ARB2A: variants seen among roughly 807,000 people sequenced by gnomAD.
The protein encoded by ARB2A is ARB2 cotranscriptional regulator A, also known as cotranscriptional regulator ARB2A.
At chr5:93,871,044 A>G in the ARB2A span, among the ~76,000 whole-genome samples, 3 of 152,234 alleles carry the variant, frequency 2.0e-5, no homozygotes, top group East Asian at 5.8e-4. Context: ...ATTTTCTTGT[A>G]AATGAACAAA....
the ARB2A span, among the ~76,000 whole-genome samples, chr5:93,826,039 T>C: frequency 6.6e-6 from 1 of 152,250 alleles, no homozygotes; most frequent in East Asian, 1.9e-4. Flanking sequence ...CCTAACTTGC[T>C]AAACCCAAAT....
At chr5:93,811,444 A>C in the ARB2A span, among the ~76,000 whole-genome samples, 2 of 152,294 alleles carry the variant, frequency 1.3e-5, no homozygotes, top group East Asian at 3.9e-4. Context: ...CACAAAAAGA[A>C]TAAGCAATAA....
the ARB2A span, chr5:93,964,531 G>A: frequency 3.9e-6 from 6 of 1,554,294 alleles, no homozygotes; most frequent in South Asian, 2.4e-5. Flanking sequence ...GATCTAAGTA[G>A]GAAAGAAATA....
the ARB2A span, among the ~76,000 whole-genome samples, chr5:94,018,158 A>C: frequency 6.6e-6 from 1 of 152,190 alleles, no homozygotes; most frequent in African/African-American, 2.4e-5. Flanking sequence ...ATGAACCAAT[A>C]TAGATGGAAA....
At chr5:93,715,643 C>CT in the ARB2A span, among the ~76,000 whole-genome samples, 782 of 141,670 alleles carry the variant, frequency 5.5e-3, 3 homozygotes, top group African/African-American at 6.1e-3. Flanking sequence ...TTTCCCCCGC[C>CT]TTTTTTTTTT....
the ARB2A span, among the ~76,000 whole-genome samples, chr5:94,102,096 C>A: frequency 2.8e-5 from 4 of 145,220 alleles, no homozygotes; most frequent in Admixed American, 6.8e-5. Context: ...TTAATAATTC[C>A]AAAGTAAAAA....
the ARB2A span, chr5:94,055,634 T>C: frequency 2.0e-6 from 2 of 985,176 alleles, no homozygotes; most frequent in Non-Finnish European, 2.4e-6. Flanking sequence ...TGTTGACAAT[T>C]CTTCATTCAT....
At chr5:93,747,917 A>G in the ARB2A span, among the ~76,000 whole-genome samples, 2 of 152,178 alleles carry the variant, frequency 1.3e-5, no homozygotes, top group Non-Finnish European at 2.9e-5. Context: ...ATACAATCAC[A>G]TGGCTCAAGA....
chr5:93,881,628 T>TC, the ARB2A span: 4 of 1,604,762 alleles, frequency 2.5e-6, no homozygotes, highest in Non-Finnish European at 3.4e-6. Context: ...ACGTGTATCT[T>TC]CGGCTTTTCT....
chr5:93,662,591 T>G, the ARB2A span, among the ~76,000 whole-genome samples: 69 of 152,328 alleles, frequency 4.5e-4, no homozygotes, highest in Non-Finnish European at 7.8e-4. Context: ...CACCTGTCTT[T>G]AGTAAGACAT....
At chr5:93,818,350 A>G in the ARB2A span, among the ~76,000 whole-genome samples, 1 of 152,184 alleles carries the variant, frequency 6.6e-6, no homozygotes, top group Non-Finnish European at 1.5e-5. Flanking sequence ...GTCTGCAAAT[A>G]TGCAAAAAGA....
At chr5:94,067,488 G>T in the ARB2A span, among the ~76,000 whole-genome samples, 1 of 152,198 alleles carries the variant, frequency 6.6e-6, no homozygotes, top group South Asian at 2.1e-4. Context: ...ATAAATAACA[G>T]TATATAGAAT....
the ARB2A span, among the ~76,000 whole-genome samples, chr5:93,915,280 C>G: frequency 6.6e-6 from 1 of 151,716 alleles, no homozygotes; most frequent in Admixed American, 6.6e-5. Context: ...GGTAATACTG[C>G]CATCTTGTGG....
chr5:93,784,034 C>G, the ARB2A span, among the ~76,000 whole-genome samples: 1 of 152,082 alleles, frequency 6.6e-6, no homozygotes, highest in African/African-American at 2.4e-5. Flanking sequence ...TTTCTTGTAA[C>G]TAAATAGCAC....
chr5:94,106,935 A>C, the ARB2A span, among the ~76,000 whole-genome samples: 3 of 151,598 alleles, frequency 2.0e-5, no homozygotes, highest in Admixed American at 2.0e-4. Context: ...GCTAAACATT[A>C]AGTATACATG....
chr5:93,985,450 C>T, the ARB2A span, among the ~76,000 whole-genome samples: 39 of 151,964 alleles, frequency 2.6e-4, no homozygotes, highest in African/African-American at 9.2e-4. Context: ...CTCCATCTCC[C>T]GCTTTCCACG....
At chr5:93,708,972 C>T in the ARB2A span, among the ~76,000 whole-genome samples, 1 of 152,040 alleles carries the variant, frequency 6.6e-6, no homozygotes, top group East Asian at 1.9e-4. Flanking sequence ...TAGTAAACTA[C>T]TGTATTATAT....
At chr5:93,807,919 T>C in the ARB2A span, among the ~76,000 whole-genome samples, 3 of 152,004 alleles carry the variant, frequency 2.0e-5, no homozygotes, top group Non-Finnish European at 4.4e-5. Flanking sequence ...ACCTTCTCCC[T>C]AGAATGTTTG....
At chr5:93,776,055 A>G in the ARB2A span, 4 of 923,054 alleles carry the variant, frequency 4.3e-6, no homozygotes, top group Non-Finnish European at 6.6e-6. Flanking sequence ...TAACAACTCA[A>G]AGATAAAAAC....
Sources: allele counts gnomAD v4.1 joint callset (sites outside exome capture counted in the v4.1 genomes callset), GRCh38; gene constraint gnomAD v4.1.1; transcripts MANE v1.5; gene names NCBI Gene and HGNC (gene_info 2026-07-23, HGNC 2026-07-21).